Variants in WDFY3 observed in about 807,000 individuals in gnomAD.
WDFY3 encodes the protein WD repeat and FYVE domain containing 3, also known as WD repeat and FYVE domain-containing protein 3.
In WDFY3, 66 loss-of-function variants were observed where a neutral mutation model predicts 409.6. That is an observed-to-expected ratio of 0.16 (90% CI 0.13 to 0.20). The LOEUF (loss-of-function observed/expected upper bound fraction) is 0.20. WDFY3 is among the 10% of genes least tolerant of loss of function. The pLI is 1.00. For missense variants in WDFY3, 3,031 were observed against 4,298.1 expected (o/e 0.71, Z 8.24); for synonymous variants, 1,521 against 1,537.1 (o/e 0.99, Z 0.25).
At chr4:84,905,317 C>T (rs910018101) in intron 2 of WDFY3, among the ~76,000 whole-genome samples, 6 of 152,180 alleles carry the variant, frequency 3.9e-5, no homozygotes, top group African/African-American at 1.4e-4. Flanking sequence ...GCCTGGGCGA[C>T]AGAGTGAGAC....
At chr4:84,950,235 T>C (rs1371176967) in intron 1 of WDFY3, among the ~76,000 whole-genome samples, 2 of 150,932 alleles carry the variant, frequency 1.3e-5, no homozygotes, top group East Asian at 2.0e-4. Flanking sequence ...ACATCACACA[T>C]TGGGAGCTAT....
intron 32 of WDFY3, among the ~76,000 whole-genome samples, chr4:84,764,568 C>T (rs1470469997): frequency 1.3e-5 from 2 of 152,046 alleles, no homozygotes; most frequent in Admixed American, 1.3e-4. Flanking sequence ...GTTGAAAGAC[C>T]TGTCTTCCTA....
intron 1 of WDFY3, among the ~76,000 whole-genome samples, chr4:84,936,827 C>T (rs994166556): frequency 8.6e-5 from 13 of 151,972 alleles, no homozygotes; most frequent in African/African-American, 2.7e-4. Flanking sequence ...TGAATCTGTA[C>T]CCTTTCACTG....
chr4:84,853,588 G>A (rs1759341295), intron 4 of WDFY3, among the ~76,000 whole-genome samples: 1 of 152,104 alleles, frequency 6.6e-6, no homozygotes. Flanking sequence ...ATAGTTATTA[G>A]GACAACTAAA....
At chr4:84,797,965 AT>A (rs748315299) in intron 18 of WDFY3, 30 bp downstream of exon 18, 1 of 1,541,778 alleles carries the variant, frequency 6.5e-7, no homozygotes, top group Non-Finnish European at 8.9e-7. Flanking sequence ...CATTCATAAA[AT>A]AAATCAAAAA....
Position 84,813,515 on chromosome 4 carries a change from T to C in WDFY3, c.1888-3171A>G, listed in dbSNP as rs199870572. Among the ~76,000 whole-genome samples, 4 of 152,190 alleles carry C rather than the reference T, an allele frequency of 2.6e-5. No individual in the cohort carries two copies. The East Asian group carries it at 5.8e-4, about 22-fold the overall frequency. On this transcript the variant is annotated intron_variant, in intron 13 of 67. Transcript: ENST00000295888. ...GAAATGCTATATAATGGTGTACTAC[T>C]GTGCAACTCTTTCCAATCCACATTC...
chr4:84,907,922 AAGGAAG>A (rs770748534), intron 2 of WDFY3, among the ~76,000 whole-genome samples: 8 of 152,110 alleles, frequency 5.3e-5, no homozygotes, highest in Admixed American at 3.3e-4. Context: ...GTTTCAAAAG[AAGGAAG>A]AGGAAGAGGA....
chr4:84,832,173 T>G lies in WDFY3; in HGVS notation c.577-568A>C, dbSNP rs1755837359. ...ATTCAGCCATAAAAAAGAATGAAAT[T>G]TTGTCATTAAAGGCAACATGGATAA... is the stretch of plus-strand genomic sequence containing the variant. On this transcript the variant is annotated intron_variant, in intron 7 of 67. Transcript: ENST00000295888. Among the ~76,000 whole-genome samples, 2 of 152,104 alleles carry G rather than the reference T, an allele frequency of 1.3e-5. 1 individual carries two copies. The highest frequency in any genetic ancestry group is 4.1e-4 in the South Asian group (2 of 4,822).
At chr4:84,795,169 A>C (rs868746917) in intron 19 of WDFY3, among the ~76,000 whole-genome samples, 190 bp from the exon 20 acceptor site, 5 of 152,188 alleles carry the variant, frequency 3.3e-5, no homozygotes, top group Admixed American at 2.6e-4. Context: ...ACATAATTTT[A>C]AAATCTCCCA....
At chr4:84,797,792 C>T (rs548773352) in intron 18 of WDFY3, among the ~76,000 whole-genome samples, 1 of 152,034 alleles carries the variant, frequency 6.6e-6, no homozygotes, top group Admixed American at 6.5e-5. Context: ...ACCATGGTCT[C>T]GAACTCCCGA....
intron 3 of WDFY3, among the ~76,000 whole-genome samples, chr4:84,885,484 C>T (rs1437898903): frequency 1.3e-5 from 2 of 151,872 alleles, no homozygotes; most frequent in Admixed American, 6.6e-5. Flanking sequence ...GAAAGGAACA[C>T]TGTAAGCCAA....
chr4:84,743,479 G>T (rs1033045200), intron 37 of WDFY3, among the ~76,000 whole-genome samples: 4 of 152,052 alleles, frequency 2.6e-5, no homozygotes, highest in Non-Finnish European at 5.9e-5. Flanking sequence ...TCATATATCT[G>T]TCAAGAGTAA....
chr4:84,872,265 G>C (rs1762226386), intron 3 of WDFY3, among the ~76,000 whole-genome samples: 1 of 151,978 alleles, frequency 6.6e-6, no homozygotes, highest in South Asian at 2.1e-4. Context: ...AGGAGATTGA[G>C]ACCATCCTGG....
chr4:84,678,705 T>C (rs17376489), intron 65 of WDFY3, among the ~76,000 whole-genome samples: 1 of 152,204 alleles, frequency 6.6e-6, no homozygotes, highest in Non-Finnish European at 1.5e-5. Flanking sequence ...CCCAGCATAT[T>C]GCAAACACCA....
chr4:84,818,101 T>C (rs1256748011), intron 12 of WDFY3, among the ~76,000 whole-genome samples: 1 of 152,184 alleles, frequency 6.6e-6, no homozygotes, highest in Non-Finnish European at 1.5e-5. Context: ...GTATGTGTCA[T>C]TGTTACTGCT....
At chr4:84,951,419 ATTACT>A (rs1239406904) in intron 1 of WDFY3, among the ~76,000 whole-genome samples, 1 of 152,202 alleles carries the variant, frequency 6.6e-6, no homozygotes, top group Non-Finnish European at 1.5e-5. Context: ...TACTAATTTA[ATTACT>A]TTACCATCTT....
intron 29 of WDFY3, among the ~76,000 whole-genome samples, chr4:84,774,574 G>A (rs1745229703): frequency 6.6e-6 from 1 of 152,154 alleles, no homozygotes; most frequent in South Asian, 2.1e-4. Flanking sequence ...CAATTTCATT[G>A]GGCTAATTCC....
At chr4:84,706,548 GA>G (rs34198168) in intron 53 of WDFY3, among the ~76,000 whole-genome samples, 17,709 of 111,136 alleles carry the variant, frequency 0.16, 1,606 homozygotes, top group African/African-American at 0.31. Flanking sequence ...TTAAAATGGT[GA>G]AAAAAAAAAA....
intron 3 of WDFY3, among the ~76,000 whole-genome samples, chr4:84,894,417 G>A (rs1765342870): frequency 1.3e-5 from 2 of 152,090 alleles, no homozygotes; most frequent in South Asian, 2.1e-4. Context: ...TCGGCACTTT[G>A]GGAGGCTAAG....
Sources: allele counts gnomAD v4.1 joint callset (sites outside exome capture counted in the v4.1 genomes callset), GRCh38; gene constraint gnomAD v4.1.1; transcripts MANE v1.5; gene names NCBI Gene and HGNC (gene_info 2026-07-23, HGNC 2026-07-21).